Variants in TNFRSF1A observed in about 807,000 individuals in gnomAD.
The protein encoded by TNFRSF1A is tumor necrosis factor receptor superfamily member 1A.
TNFRSF1A carries 9 observed loss-of-function variants against 41.6 expected under a neutral mutation model. The observed-to-expected ratio is 0.22, with a 90% CI of 0.13 to 0.38. The LOEUF (loss-of-function observed/expected upper bound fraction) is 0.38, where lower values mean the gene tolerates loss of function less well. TNFRSF1A is among the 10% of genes least tolerant of loss of function. The pLI, the probability that TNFRSF1A is intolerant of heterozygous loss-of-function variation, is 1.00. For missense variants in TNFRSF1A, 463 were observed against 591.5 expected (o/e 0.78, Z 2.25); for synonymous variants, 254 against 248.6 (o/e 1.02, Z -0.21).
chr12:6,337,815 G>A lies in TNFRSF1A; in HGVS notation c.40-3571C>T, dbSNP rs1003755773. On this transcript the variant is annotated intron_variant, in intron 1 of 9. Coordinates refer to ENST00000162749, the MANE Select transcript of TNFRSF1A (RefSeq NM_001065.4). This position sits in a 1 kb window ranked among gnomAD's most constrained non-coding sequence, Gnocchi z 4.6. The stretch of plus-strand genomic sequence containing the variant: ...AGAAAGTGTCTTATCCTCCCCTGGT[G>A]TCCTCTCAGCTCCCAGAACCAGACC... Among the ~76,000 whole-genome samples, 1 of 152,134 alleles carries A rather than the reference G, an allele frequency of 6.6e-6. No individual in the cohort carries two copies. Among genetic ancestry groups the A allele is most frequent in the African/African-American group, 2.4e-5 (1 of 41,406 alleles).
rs1389678286 is a variant in TNFRSF1A at position 6,341,395 on chromosome 12, G to T, written c.39+381C>A. Among the ~76,000 whole-genome samples, 4 of 152,120 alleles carry T rather than the reference G, an allele frequency of 2.6e-5. No individual in the cohort carries two copies. Among genetic ancestry groups the T allele is most frequent in the Non-Finnish European group, 5.9e-5 (4 of 68,010 alleles). On this transcript the variant is annotated intron_variant, in intron 1 of 9. Coordinates refer to ENST00000162749, the MANE Select transcript of TNFRSF1A (RefSeq NM_001065.4). This position sits in a 1 kb window ranked among gnomAD's most constrained non-coding sequence, Gnocchi z 4.6. ...GACCGGAGGGACAGAATTCAGAACCGTCTGGACTCCCCGAGCACTAATCTT... is the reference window on the plus strand; with the variant it reads ...GACCGGAGGGACAGAATTCAGAACCTTCTGGACTCCCCGAGCACTAATCTT...
rs1419592723 is a variant in TNFRSF1A, at chr12:6,337,925, C to T, written c.40-3681G>A. ...CCACTCTAGTAGAAGCCAGTGATTC[C>T]CAAAGAGGGAGGTGAGGAGACAGCA... On this transcript the variant is annotated intron_variant, in intron 1 of 9. Coordinates refer to ENST00000162749, the MANE Select transcript of TNFRSF1A (RefSeq NM_001065.4). This position sits in a 1 kb window ranked among gnomAD's most constrained non-coding sequence, Gnocchi z 4.6. 6.6e-6 allele frequency among the ~76,000 whole-genome samples: 1 copy of T among 152,036 alleles called. No homozygotes were observed. The highest frequency in any genetic ancestry group is 1.5e-5 in the Non-Finnish European group (1 of 68,012).
rs939476014 is a variant in TNFRSF1A at position 6,337,452 on chromosome 12, C to A, written c.40-3208G>T. On this transcript the variant is annotated intron_variant, in intron 1 of 9. Coordinates refer to ENST00000162749, the MANE Select transcript of TNFRSF1A (RefSeq NM_001065.4). The surrounding 1 kb of genome is among the most constrained non-coding windows in gnomAD (Gnocchi z 4.6). The stretch of plus-strand genomic sequence containing the variant: ...CGCTGAGATCGGCCTTGTGGTCTGA[C>A]CCCGATCCAGCCACCTTGCAGGGAC... Among the ~76,000 whole-genome samples the A allele has an allele frequency of 4.2e-4, 64 of 152,192 alleles. No homozygotes were observed. Among genetic ancestry groups the A allele is most frequent in the African/African-American group, 1.3e-3 (53 of 41,434 alleles).
rs1300101062 is a variant in TNFRSF1A at position 6,333,453 on chromosome 12, T to C, written c.386A>G (p.Lys129Arg). 1 of 1,614,120 alleles carries C rather than the reference T, an allele frequency of 6.2e-7. No individual in the cohort carries two copies. The change falls in exon 4 of 10, where the codon AAG (lysine) becomes AGG (arginine). Residue 129 changes from lysine to arginine, a missense_variant. By Grantham distance (26) the Lys-to-Arg change is conservative. Around this residue, in one of 4 missense-constraint regions of TNFRSF1A, gnomAD observed 149 missense variants for 239.4 expected, o/e 0.62. Coordinates refer to ENST00000162749, the MANE Select transcript of TNFRSF1A (RefSeq NM_001065.4). The surrounding 1 kb of genome is among the most constrained non-coding windows in gnomAD (Gnocchi z 6.3). ...VDRDTVCGCR[K>R]NQYRHYWSEN... ...ACTCCAATAATGCCGGTACTGGTTCTTCCTGCAGCCACACACGGTGTCCCG... is the reference window on the plus strand; with the variant it reads ...ACTCCAATAATGCCGGTACTGGTTCCTCCTGCAGCCACACACGGTGTCCCG...
intron 6 of TNFRSF1A, 48 bp from the exon 7 acceptor site, chr12:6,330,759 G>T: frequency 1.3e-6 from 2 of 1,579,644 alleles, no homozygotes; most frequent in Non-Finnish European, 1.7e-6. Context: ...GAGGGGGGCC[G>T]CAGGGATAGA....
In TNFRSF1A at chr12:6,341,236, C is replaced by T. The variant is rs1379239270; in HGVS notation, c.39+540G>A. Reference sequence around the variant, plus strand: ...CATGAGCATCCCAAACCCACCACACCAGCCCATCCCCACTCCTCAACTCAC... The same window carrying T: ...CATGAGCATCCCAAACCCACCACACTAGCCCATCCCCACTCCTCAACTCAC... On this transcript the variant is annotated intron_variant, in intron 1 of 9. Coordinates refer to ENST00000162749, the MANE Select transcript of TNFRSF1A (RefSeq NM_001065.4). This position sits in a 1 kb window ranked among gnomAD's most constrained non-coding sequence, Gnocchi z 4.6. 6.6e-6 allele frequency among the ~76,000 whole-genome samples: 1 copy of T among 152,130 alleles called. No individual in the cohort carries two copies. The highest frequency in any genetic ancestry group is 1.5e-5 in the Non-Finnish European group (1 of 68,006).
chr12:6,332,453 A>AGGCC (rs1948063948), intron 5 of TNFRSF1A, among the ~76,000 whole-genome samples: 1 of 61,760 alleles, frequency 1.6e-5, no homozygotes, highest in South Asian at 4.0e-4. Context: ...AAAAAAAAAA[A>AGGCC]AACACCAAAA....
At chr12:6,329,672 C>T (rs775779398) in intron 9 of TNFRSF1A, 50 bp from the exon 10 acceptor site, 2 of 1,540,628 alleles carry the variant, frequency 1.3e-6, no homozygotes, top group East Asian at 2.4e-5. Context: ...CAGGCCCCGC[C>T]CCGCATCCCG....
Position 6,334,238 on chromosome 12 carries a change from G to C in TNFRSF1A, c.46C>G (p.Leu16Val). The change falls in exon 2 of 10, where the codon CTG (leucine) becomes GTG (valine). Residue 16 changes from leucine (L) to valine (V), a missense_variant. By Grantham distance (32) the Leu-to-Val change is conservative (BLOSUM62 1). This residue lies in a region of TNFRSF1A where 37 missense variants were observed against 46.5 expected (regional missense o/e 0.80). Coordinates refer to ENST00000162749, the MANE Select transcript of TNFRSF1A (RefSeq NM_001065.4). The surrounding 1 kb of genome is among the most constrained non-coding windows in gnomAD (Gnocchi z 5.1). ...GGGTATATTCCCACCAACAGCTCCAGGAGCACCTGGGGAAGAATCAGATAG... is the reference window on the plus strand; with the variant it reads ...GGGTATATTCCCACCAACAGCTCCACGAGCACCTGGGGAAGAATCAGATAG... Reference protein sequence around the residue: ...VPDLLLPLVLLELLVGIYPSG... With the variant: ...VPDLLLPLVLVELLVGIYPSG... The C allele has an allele frequency of 6.2e-7, 1 of 1,613,078 alleles. No homozygotes were observed. The highest frequency in any genetic ancestry group is 8.5e-7 in the Non-Finnish European group (1 of 1,179,322).
chr12:6,333,305 A>G lies in TNFRSF1A; in HGVS notation c.472+62T>C. The G allele has an allele frequency of 1.3e-6, 2 of 1,593,762 alleles. No individual in the cohort carries two copies. Among genetic ancestry groups the G allele is most frequent in the South Asian group, 1.1e-5 (1 of 89,080 alleles). On this transcript the variant is annotated intron_variant, in intron 4 of 9. Transcript: ENST00000162749. This position sits in a 1 kb window ranked among gnomAD's most constrained non-coding sequence, Gnocchi z 6.3. Reference sequence around the variant, plus strand: ...GGGGAAGGAAAGGAAGTGCCACCGCATGGGGAAGGGGCCAACCCCTGGGGT... The same window carrying G: ...GGGGAAGGAAAGGAAGTGCCACCGCGTGGGGAAGGGGCCAACCCCTGGGGT...
At chr12:6,340,383 A>T (rs1457664959) in intron 1 of TNFRSF1A, among the ~76,000 whole-genome samples, 1 of 152,242 alleles carries the variant, frequency 6.6e-6, no homozygotes, top group Admixed American at 6.5e-5. Flanking sequence ...GCTCTTGTTC[A>T]TGCAGGAGGT....
In TNFRSF1A at chr12:6,329,513, C is replaced by G; in HGVS notation, c.1167G>C (p.Glu389Asp). Residue 389 changes from glutamate (E) to aspartate (D), a missense_variant, in exon 10 of 10, where the codon GAG becomes GAC. Glu to Asp is a conservative substitution (Grantham distance 45, BLOSUM62 2). Transcript: ENST00000162749. The stretch of plus-strand genomic sequence containing the variant: ...CGCGCAGGCAGCGCCCGTTCTGCAG[C>G]TCCAGCCGATCGATCTCGTGGTCGC... ...GLSDHEIDRL[E>D]LQNGRCLREA... 1 of 1,595,226 alleles carries G rather than the reference C, an allele frequency of 6.3e-7. No individual in the cohort carries two copies. Among genetic ancestry groups the G allele is most frequent in the Non-Finnish European group, 8.5e-7 (1 of 1,178,116 alleles).
In TNFRSF1A at chr12:6,333,436, A is replaced by G. The variant is rs778922941; in HGVS notation, c.403T>C (p.Tyr135His). The G allele has an allele frequency of 6.2e-7, 1 of 1,614,064 alleles. No homozygotes were observed. The highest frequency in any genetic ancestry group is 2.2e-5 in the East Asian group (1 of 44,882). ...CGCRKNQYRH[Y>H]WSENLFQCFN... ...CACTGGAAAAGGTTTTCACTCCAAT[A>G]ATGCCGGTACTGGTTCTTCCTGCAG... is the stretch of plus-strand genomic sequence containing the variant. The change falls in exon 4 of 10, where the codon TAT (tyrosine) becomes CAT (histidine). Residue 135 changes from tyrosine to histidine, a missense_variant. Around this residue, in one of 4 missense-constraint regions of TNFRSF1A, gnomAD observed 149 missense variants for 239.4 expected, o/e 0.62. Coordinates refer to ENST00000162749, the MANE Select transcript of TNFRSF1A (RefSeq NM_001065.4). The surrounding 1 kb of genome is among the most constrained non-coding windows in gnomAD (Gnocchi z 6.3).
In TNFRSF1A at chr12:6,330,719, C is replaced by A. The variant is rs1005110133; in HGVS notation, c.626-8G>T. 2 of 1,609,544 alleles carry A rather than the reference C, an allele frequency of 1.2e-6. No homozygotes were observed. Among genetic ancestry groups the A allele is most frequent in the Non-Finnish European group, 1.7e-6 (2 of 1,175,900 alleles). ...GCAACAGCACTGTGGTGCCTGCAGA[C>A]AAAGCAGGTGTTGGTCAGAGGAGCG... On this transcript the variant is annotated splice_polypyrimidine_tract_variant and splice_region_variant and intron_variant, in intron 6 of 9. Coordinates refer to ENST00000162749, the MANE Select transcript of TNFRSF1A (RefSeq NM_001065.4).
Position 6,341,695 on chromosome 12 carries a change from G to A in TNFRSF1A, c.39+81C>T. 3.3e-6 allele frequency: 5 copies of A among 1,508,270 alleles called. No individual in the cohort carries two copies. In the South Asian group the frequency reaches 3.6e-5, roughly 11 times the overall value. 93.4% of individuals were successfully genotyped at this position (1,508,270 alleles called of 1,614,324 possible). A position where few individuals can be genotyped will look rare whatever the true frequency, so the allele number is the denominator to read the frequency against. ...GACCAGGCCCGGGCAGGAGAGGCTC[G>A]GCCCCCTCCCGGAGAGGGCCCACGC... On this transcript the variant is annotated intron_variant, in intron 1 of 9. Coordinates refer to ENST00000162749, the MANE Select transcript of TNFRSF1A (RefSeq NM_001065.4). The surrounding 1 kb of genome is among the most constrained non-coding windows in gnomAD (Gnocchi z 4.6).
chr12:6,341,408 G>A lies in TNFRSF1A; in HGVS notation c.39+368C>T, dbSNP rs541621975. On this transcript the variant is annotated intron_variant, in intron 1 of 9. Coordinates refer to ENST00000162749, the MANE Select transcript of TNFRSF1A (RefSeq NM_001065.4). This position sits in a 1 kb window ranked among gnomAD's most constrained non-coding sequence, Gnocchi z 4.6. Reference sequence around the variant, plus strand: ...GAATTCAGAACCGTCTGGACTCCCCGAGCACTAATCTTCCTACTCCCACTC... The same window carrying A: ...GAATTCAGAACCGTCTGGACTCCCCAAGCACTAATCTTCCTACTCCCACTC... Among the ~76,000 whole-genome samples, 2 of 152,250 alleles carry A rather than the reference G, an allele frequency of 1.3e-5. No homozygotes were observed. The highest frequency in any genetic ancestry group is 3.4e-3 in the Middle Eastern group (1 of 294).
intron 1 of TNFRSF1A, among the ~76,000 whole-genome samples, chr12:6,340,597 G>T (rs560864299): frequency 5.9e-4 from 90 of 152,280 alleles, no homozygotes; most frequent in African/African-American, 1.9e-3. Context: ...GGACCAGAGC[G>T]GAGCAGAGAG....
rs1947988472 is a variant in TNFRSF1A at position 6,329,136 on chromosome 12, T to C, written c.*176A>G. ...GCACCTCTCTCCGCGCGCACAGCGCTGACTGTCGGCGGCGCGCAGGCAGCT... is the reference window on the plus strand; with the variant it reads ...GCACCTCTCTCCGCGCGCACAGCGCCGACTGTCGGCGGCGCGCAGGCAGCT... On this transcript the variant is annotated 3_prime_UTR_variant, in exon 10 of 10. Transcript: ENST00000162749. 1.7e-6 allele frequency: 1 copy of C among 589,576 alleles called. No individual in the cohort carries two copies. Among genetic ancestry groups the C allele is most frequent in the South Asian group, 4.2e-5 (1 of 23,554 alleles). The allele number at this position is 589,576 out of a possible 1,614,324, so 36.5% of individuals were successfully genotyped here.
intron 1 of TNFRSF1A, among the ~76,000 whole-genome samples, chr12:6,336,861 C>T (rs1847774095): frequency 6.6e-6 from 1 of 152,248 alleles, no homozygotes; most frequent in Non-Finnish European, 1.5e-5. Flanking sequence ...ACCCTGGGTT[C>T]ACCGCATTCC....
Sources: allele counts gnomAD v4.1 joint callset (sites outside exome capture counted in the v4.1 genomes callset), GRCh38; gene constraint gnomAD v4.1.1; regional missense constraint gnomAD v4.1.1; non-coding constraint Gnocchi (gnomAD v3.1); transcripts MANE v1.5; gene names NCBI Gene and HGNC (gene_info 2026-07-23, HGNC 2026-07-21).